MAGI2: variants seen among roughly 807,000 people sequenced by gnomAD.
MAGI2 encodes membrane-associated guanylate kinase, WW and PDZ domain-containing protein 2.
Under a neutral mutation model 133.3 loss-of-function variants are expected in MAGI2, and 35 were observed. The ratio of observed to expected loss-of-function variants is 0.26; its 90% CI spans 0.20 to 0.35. The LOEUF (loss-of-function observed/expected upper bound fraction) is 0.35. MAGI2 is among the 10% of genes least tolerant of loss of function. The pLI, the probability that MAGI2 is intolerant of heterozygous loss-of-function variation, is 1.00. For synonymous variants in MAGI2, 729 were observed against 710.6 expected (o/e 1.03, Z -0.41); for missense variants, 1,636 against 1,863.4 (o/e 0.88, Z 2.25).
intron 21 of MAGI2, among the ~76,000 whole-genome samples, chr7:78,060,254 CT>C (rs1323693215): frequency 0.015 from 2,051 of 136,754 alleles, 28 homozygotes; most frequent in African/African-American, 0.053. Flanking sequence ...ACCCCCCCCC[CT>C]CTTTAGATTA....
intron 9 of MAGI2, among the ~76,000 whole-genome samples, chr7:78,303,840 T>G (rs1173257861): frequency 1.3e-5 from 2 of 152,200 alleles, no homozygotes; most frequent in African/African-American, 2.4e-5. Context: ...TTTCTAGCTT[T>G]GACCTTTCTC....
intron 1 of MAGI2, among the ~76,000 whole-genome samples, chr7:79,352,593 T>A (rs1424613552): frequency 6.6e-6 from 1 of 152,226 alleles, no homozygotes; most frequent in African/African-American, 2.4e-5. Flanking sequence ...CACTGGGATC[T>A]CTGTTCCCAT....
At chr7:78,588,212 T>C (rs17439060) in intron 3 of MAGI2, among the ~76,000 whole-genome samples, 58,224 of 152,100 alleles carry the variant, frequency 0.38, 11,739 homozygotes, top group Middle Eastern at 0.47. Flanking sequence ...CTTTGTTATG[T>C]GACAATTAAC....
chr7:78,351,010 T>C (rs1791452310), intron 7 of MAGI2, among the ~76,000 whole-genome samples: 1 of 152,100 alleles, frequency 6.6e-6, no homozygotes, highest in African/African-American at 2.4e-5. Flanking sequence ...AAATAATCAA[T>C]GTGGAAGAGA....
Position 78,476,943 on chromosome 7 carries a change from T to G in MAGI2, c.1045+12818A>C, listed in dbSNP as rs754203960. Among the ~76,000 whole-genome samples, 19 of 152,080 alleles carry G rather than the reference T, an allele frequency of 1.2e-4. 1 individual carries two copies. The Middle Eastern group carries it at 0.014, about 109-fold the overall frequency. Reference sequence around the variant, plus strand: ...AGCCTTGGAATGCACTGTTTTATGATGCATAGCATTTAGGAAACCTCAAAA... The same window carrying G: ...AGCCTTGGAATGCACTGTTTTATGAGGCATAGCATTTAGGAAACCTCAAAA... On this transcript the variant is annotated intron_variant, in intron 6 of 21. Coordinates refer to ENST00000354212, the MANE Select transcript of MAGI2 (RefSeq NM_012301.4).
chr7:78,669,953 A>T (rs1814148511), intron 2 of MAGI2, among the ~76,000 whole-genome samples: 1 of 151,634 alleles, frequency 6.6e-6, no homozygotes, highest in Admixed American at 6.6e-5. Context: ...TGACAAACCC[A>T]CAGCCAATAT....
chr7:79,248,032 T>C (rs763360451), intron 1 of MAGI2, among the ~76,000 whole-genome samples: 1 of 151,910 alleles, frequency 6.6e-6, no homozygotes, highest in South Asian at 2.1e-4. Context: ...ATAATAACAT[T>C]GAATGTAAAT....
At chr7:78,487,294 G>A (rs1793135736) in intron 6 of MAGI2, 1 of 196,138 alleles carries the variant, frequency 5.1e-6, no homozygotes, top group South Asian at 1.1e-4. Context: ...CTCCCCTCAA[G>A]TGGAACAACA....
At chr7:79,329,251 C>T (rs940008087) in intron 1 of MAGI2, among the ~76,000 whole-genome samples, 2 of 152,190 alleles carry the variant, frequency 1.3e-5, no homozygotes, top group African/African-American at 4.8e-5. Context: ...GAAAAGGCAA[C>T]CATGCATTAA....
intron 9 of MAGI2, among the ~76,000 whole-genome samples, chr7:78,308,172 G>A (rs1221867082): frequency 6.6e-6 from 1 of 152,154 alleles, no homozygotes; most frequent in Non-Finnish European, 1.5e-5. Flanking sequence ...TTCTAATGGG[G>A]GATGTGATAT....
intron 21 of MAGI2, among the ~76,000 whole-genome samples, chr7:78,062,504 T>G (rs997284673): frequency 1.6e-4 from 25 of 152,272 alleles, no homozygotes; most frequent in Non-Finnish European, 3.2e-4. Flanking sequence ...AATGGGTAAT[T>G]ATTTTTGAAG....
intron 1 of MAGI2, among the ~76,000 whole-genome samples, chr7:79,217,839 A>T (rs1830138506): frequency 6.6e-6 from 1 of 152,044 alleles, no homozygotes; most frequent in African/African-American, 2.4e-5. Flanking sequence ...TTGGTACATA[A>T]TAAGCAGTCA....
intron 1 of MAGI2, among the ~76,000 whole-genome samples, chr7:79,229,909 G>T (rs1382704147): frequency 6.8e-6 from 1 of 148,124 alleles, no homozygotes; most frequent in Non-Finnish European, 1.5e-5. Flanking sequence ...TCATCATCTA[G>T]CATTAGGTAT....
At chr7:79,366,552 A>G (rs1842720823) in intron 1 of MAGI2, among the ~76,000 whole-genome samples, 1 of 152,178 alleles carries the variant, frequency 6.6e-6, no homozygotes, top group Non-Finnish European at 1.5e-5. Flanking sequence ...ACCTCACATA[A>G]ATGATTCCAA....
intron 1 of MAGI2, among the ~76,000 whole-genome samples, chr7:79,306,633 A>G (rs1837838849): frequency 6.6e-6 from 1 of 152,058 alleles, no homozygotes; most frequent in African/African-American, 2.4e-5. Context: ...CATAAATCTT[A>G]TGAAGTGGTC....
At chr7:79,405,534 A>G (rs117448825) in intron 1 of MAGI2, among the ~76,000 whole-genome samples, 2,643 of 152,124 alleles carry the variant, frequency 0.017, 27 homozygotes, top group Middle Eastern at 0.058. Context: ...TTCAAACAGT[A>G]CCCTAACTCC....
intron 1 of MAGI2, among the ~76,000 whole-genome samples, chr7:79,172,045 C>T (rs373931563): frequency 1.3e-5 from 2 of 151,780 alleles, no homozygotes; most frequent in Non-Finnish European, 2.9e-5. Context: ...AACCACCCAG[C>T]AGCTATTCAA....
At chr7:79,258,502 A>T (rs890027971) in intron 1 of MAGI2, among the ~76,000 whole-genome samples, 2 of 152,062 alleles carry the variant, frequency 1.3e-5, no homozygotes, top group African/African-American at 4.8e-5. Flanking sequence ...TTCCAGGGGG[A>T]GGCTCTGCTC....
intron 2 of MAGI2, among the ~76,000 whole-genome samples, chr7:78,656,570 A>G (rs979057903): frequency 5.3e-5 from 8 of 152,262 alleles, no homozygotes; most frequent in Admixed American, 3.9e-4. Flanking sequence ...CAAAGAGTAC[A>G]AAGTTGCAGT....
Sources: allele counts gnomAD v4.1 joint callset (sites outside exome capture counted in the v4.1 genomes callset), GRCh38; gene constraint gnomAD v4.1.1; transcripts MANE v1.5; gene names NCBI Gene and HGNC (gene_info 2026-07-23, HGNC 2026-07-21).